The following GPC6 variants were observed in gnomAD, a reference collection of about 807,000 sequenced individuals.
GPC6 encodes glypican 6, also known as glypican-6.
In GPC6, 14 loss-of-function variants were observed where a neutral mutation model predicts 55.2. That is an observed-to-expected ratio of 0.25 (90% CI 0.17 to 0.40). The LOEUF (loss-of-function observed/expected upper bound fraction) is 0.40. Ranked by LOEUF, GPC6 falls within the 10% of genes least tolerant of loss-of-function variation. The pLI, the probability that GPC6 is intolerant of heterozygous loss-of-function variation, is 1.00. For missense variants in GPC6, 641 were observed against 708.5 expected (o/e 0.90, Z 1.08); for synonymous variants, 278 against 259.6 (o/e 1.07, Z -0.68).
intron 2 of GPC6, among the ~76,000 whole-genome samples, chr13:93,567,890 TCATA>T (rs1459085434): frequency 2.0e-5 from 3 of 152,178 alleles, no homozygotes; most frequent in Non-Finnish European, 4.4e-5. Flanking sequence ...CTCACCATGG[TCATA>T]CATAGACTCA....
intron 2 of GPC6, among the ~76,000 whole-genome samples, chr13:93,734,190 G>T (rs577504468): frequency 6.6e-6 from 1 of 152,216 alleles, no homozygotes; most frequent in Admixed American, 6.5e-5. Flanking sequence ...GCCATAAACT[G>T]TATTAAACAT....
At chr13:93,356,127 A>T (rs952674301) in intron 1 of GPC6, among the ~76,000 whole-genome samples, 4 of 152,324 alleles carry the variant, frequency 2.6e-5, no homozygotes, top group African/African-American at 7.2e-5. Flanking sequence ...TGGCCTTTGC[A>T]GAGAGACCAG....
At chr13:93,537,103 C>T (rs1162214997) in intron 1 of GPC6, among the ~76,000 whole-genome samples, 4 of 152,256 alleles carry the variant, frequency 2.6e-5, no homozygotes, top group African/African-American at 9.6e-5. Flanking sequence ...AAGACACCTC[C>T]ATCACCCGCG....
At chr13:94,370,589 A>G (rs990011525) in intron 6 of GPC6, among the ~76,000 whole-genome samples, 1 of 152,236 alleles carries the variant, frequency 6.6e-6, no homozygotes, top group Non-Finnish European at 1.5e-5. Context: ...TCTGAACTGT[A>G]CTACATTTTC....
At chr13:93,461,802 T>TGG (rs1212058484) in intron 1 of GPC6, among the ~76,000 whole-genome samples, 1 of 152,196 alleles carries the variant, frequency 6.6e-6, no homozygotes. Context: ...AATCATTCGT[T>TGG]CATAACCTCA....
intron 4 of GPC6, among the ~76,000 whole-genome samples, chr13:94,103,231 GC>G (rs764237053): frequency 1.2e-4 from 18 of 152,172 alleles, no homozygotes; most frequent in Middle Eastern, 3.4e-3. Context: ...CTTTTTTATG[GC>G]TGCATAGTAT....
At chr13:93,581,053 T>A (rs956621924) in intron 2 of GPC6, among the ~76,000 whole-genome samples, 1 of 152,192 alleles carries the variant, frequency 6.6e-6, no homozygotes, top group Admixed American at 6.5e-5. Flanking sequence ...GCTTTTTAAA[T>A]TGTATTTCTA....
chr13:93,479,713 T>C (rs1029878843), intron 1 of GPC6, among the ~76,000 whole-genome samples: 2 of 152,210 alleles, frequency 1.3e-5, no homozygotes, highest in African/African-American at 4.8e-5. Flanking sequence ...TCATCTACTT[T>C]GTACTGTGAT....
chr13:94,115,091 A>G (rs546180596), intron 4 of GPC6, among the ~76,000 whole-genome samples: 45 of 152,280 alleles, frequency 3.0e-4, no homozygotes, highest in African/African-American at 1.1e-3. Flanking sequence ...TCTGATTTCA[A>G]CTGAGAAAAT....
chr13:94,407,295 A>G lies in GPC6; in HGVS notation c.*4078A>G, dbSNP rs1881407073. 1 of 152,082 alleles carries G rather than the reference A, an allele frequency of 6.6e-6. No homozygotes were observed. The highest frequency in any genetic ancestry group is 1.5e-5 in the Non-Finnish European group (1 of 67,978). 9.4% of individuals were successfully genotyped at this position (152,082 alleles called of 1,614,324 possible). On this transcript the variant is annotated 3_prime_UTR_variant, in exon 9 of 9. Transcript: ENST00000377047. ...AATGTGTGCACCAATCAAATCTAAA[A>G]TTTTATGTGACTGTCAAATGAATAT...
chr13:93,278,249 T>TA lies in GPC6; in HGVS notation c.160+50638dup, dbSNP rs536427278. 1.6e-3 allele frequency among the ~76,000 whole-genome samples: 240 copies of TA among 151,976 alleles called. 1 individual carries two copies. The highest frequency in any genetic ancestry group is 0.013 in the East Asian group (68 of 5,156). Reference sequence around the variant, plus strand: ...TGTGAGCTGAATAGAGATTTTTTTTTAAAAAGTTTGTTTTATTTTTAATTG... The same window carrying TA: ...TGTGAGCTGAATAGAGATTTTTTTTTAAAAAAGTTTGTTTTATTTTTAATTG... On this transcript the variant is annotated intron_variant, in intron 1 of 8. Transcript: ENST00000377047.
At chr13:93,778,663 C>A (rs897127700) in intron 2 of GPC6, among the ~76,000 whole-genome samples, 1 of 152,144 alleles carries the variant, frequency 6.6e-6, no homozygotes, top group Non-Finnish European at 1.5e-5. Flanking sequence ...TATACCAGGA[C>A]AAATTATTTA....
chr13:94,337,960 G>C (rs1489940367), intron 6 of GPC6, among the ~76,000 whole-genome samples: 1 of 152,064 alleles, frequency 6.6e-6, no homozygotes, highest in Non-Finnish European at 1.5e-5. Flanking sequence ...GACCTTCGAG[G>C]GCACACGCTA....
intron 4 of GPC6, among the ~76,000 whole-genome samples, chr13:94,228,118 T>A (rs1027665480): frequency 2.0e-5 from 3 of 152,178 alleles, no homozygotes; most frequent in Non-Finnish European, 4.4e-5. Flanking sequence ...AATGCCAACT[T>A]AAGCTGCATT....
chr13:94,033,240 A>C lies in GPC6; in HGVS notation c.877+5346A>C, dbSNP rs564450474. Reference sequence around the variant, plus strand: ...ATGGACTCATGAGTGCAGGGATGGCAGAAACAAATCAGATAATGTACCTGA... The same window carrying C: ...ATGGACTCATGAGTGCAGGGATGGCCGAAACAAATCAGATAATGTACCTGA... On this transcript the variant is annotated intron_variant, in intron 4 of 8. Transcript: ENST00000377047. Among the ~76,000 whole-genome samples, 11 of 152,358 alleles carry C rather than the reference A, an allele frequency of 7.2e-5. 1 individual carries two copies. Among genetic ancestry groups the C allele is most frequent in the Admixed American group, 6.5e-4 (10 of 15,304 alleles).
intron 6 of GPC6, among the ~76,000 whole-genome samples, chr13:94,344,215 T>G (rs530484278): frequency 6.6e-6 from 1 of 152,348 alleles, no homozygotes; most frequent in African/African-American, 2.4e-5. Flanking sequence ...TGGAAAATTT[T>G]GATATTTTAT....
intron 3 of GPC6, among the ~76,000 whole-genome samples, chr13:93,931,364 G>C (rs145169967): frequency 6.7e-6 from 1 of 150,080 alleles, no homozygotes; most frequent in South Asian, 2.1e-4. Context: ...TTTTCAGGGA[G>C]CAAAGAGGGA....
chr13:93,622,685 A>G (rs1225833375), intron 2 of GPC6, among the ~76,000 whole-genome samples: 1 of 152,208 alleles, frequency 6.6e-6, no homozygotes, highest in Non-Finnish European at 1.5e-5. Context: ...GTTTTAATAC[A>G]TGTATACATT....
At chr13:93,343,080 G>C (rs1323127546) in intron 1 of GPC6, among the ~76,000 whole-genome samples, 1 of 152,022 alleles carries the variant, frequency 6.6e-6, no homozygotes, top group African/African-American at 2.4e-5. Context: ...TAAATAAATA[G>C]ATGTGGTATT....
Sources: allele counts gnomAD v4.1 joint callset (sites outside exome capture counted in the v4.1 genomes callset), GRCh38; gene constraint gnomAD v4.1.1; transcripts MANE v1.5; gene names NCBI Gene and HGNC (gene_info 2026-07-23, HGNC 2026-07-21).